Variants in SIL1 observed in about 807,000 individuals in gnomAD.
The protein encoded by SIL1 is nucleotide exchange factor SIL1.
SIL1 carries 40 observed loss-of-function variants against 49.1 expected under a neutral mutation model. The ratio of observed to expected loss-of-function variants is 0.81; its 90% CI spans 0.63 to 1.06. The LOEUF (loss-of-function observed/expected upper bound fraction) is 1.06, where lower values mean the gene tolerates loss of function less well. SIL1 is among the 50% of genes least tolerant of loss of function. The pLI is 0.00. For missense variants in SIL1, 500 were observed against 572.6 expected, an observed-to-expected ratio of 0.87 and a Z score of 1.29; for synonymous variants, 253 against 250.8, an observed-to-expected ratio of 1.01 and a Z score of -0.08.
At chr5:138,981,661 A>G (rs1166580384) in intron 7 of SIL1, among the ~76,000 whole-genome samples, 2 of 152,228 alleles carry the variant, frequency 1.3e-5, no homozygotes, top group African/African-American at 4.8e-5. Context: ...AGTATGATTC[A>G]TGGACAGAGA....
At chr5:139,166,130 A>G (rs1221087493) in intron 1 of SIL1, among the ~76,000 whole-genome samples, 1 of 152,176 alleles carries the variant, frequency 6.6e-6, no homozygotes, top group Non-Finnish European at 1.5e-5. Flanking sequence ...AAAATATTTT[A>G]CAGAGTCTAA....
intron 7 of SIL1, among the ~76,000 whole-genome samples, chr5:138,962,766 A>G (rs1295567353): frequency 6.6e-6 from 1 of 152,256 alleles, no homozygotes; most frequent in Non-Finnish European, 1.5e-5. Flanking sequence ...CTGACTGGAT[A>G]GACAAAGCCA....
intron 3 of SIL1, among the ~76,000 whole-genome samples, chr5:139,098,519 G>A (rs1770517736): frequency 2.0e-5 from 3 of 151,936 alleles, no homozygotes; most frequent in Admixed American, 2.0e-4. Context: ...AAAATCTCCA[G>A]GACACTGGTC....
At chr5:138,969,220 TCTG>T (rs1209027959) in intron 7 of SIL1, among the ~76,000 whole-genome samples, 1 of 152,216 alleles carries the variant, frequency 6.6e-6, no homozygotes, top group Non-Finnish European at 1.5e-5. Flanking sequence ...AATGCCCACC[TCTG>T]CTGTGTCTAA....
chr5:139,108,324 C>G (rs1770768636), intron 3 of SIL1: 1 of 152,162 alleles, frequency 6.6e-6, no homozygotes, highest in South Asian at 2.1e-4. Context: ...CAAGAGAGTT[C>G]TATTCCGAAG....
In SIL1 at chr5:138,947,212, C is replaced by T. The variant is rs1766651945; in HGVS notation, c.1291G>A (p.Val431Met). The part of the protein sequence containing the change: ...TLASLQAEYQ[V>M]LASLELQDGE... ...TCCTGCAGCTCCAGGCTGGCCAGCA[C>T]CTGGTACTCAGCCTGCAGGCTGGCC... Residue 431 changes from valine (V) to methionine (M), a missense_variant, in exon 10 of 10, where the codon GTG becomes ATG. By Grantham distance (21) the Val-to-Met change is conservative. Coordinates refer to ENST00000394817, the MANE Select transcript of SIL1 (RefSeq NM_022464.5). This position sits in a 1 kb window ranked among gnomAD's most constrained non-coding sequence, Gnocchi z 4.1. 1.2e-6 allele frequency: 2 copies of T among 1,613,390 alleles called. No individual in the cohort carries two copies. The highest frequency in any genetic ancestry group is 1.1e-5 in the South Asian group (1 of 91,078).
At chr5:139,033,599 G>A (rs1046025574) in intron 5 of SIL1, among the ~76,000 whole-genome samples, 1 of 151,104 alleles carries the variant, frequency 6.6e-6, no homozygotes, top group Non-Finnish European at 1.5e-5. Context: ...AACCTCCCCT[G>A]AGATTTCCTC....
intron 7 of SIL1, among the ~76,000 whole-genome samples, chr5:138,964,646 G>A (rs2150387592): frequency 6.6e-6 from 1 of 152,296 alleles, no homozygotes; most frequent in Admixed American, 6.5e-5. Flanking sequence ...AATAGTTAAT[G>A]TCAAAACGTA....
intron 3 of SIL1, among the ~76,000 whole-genome samples, chr5:139,076,511 G>A (rs1333885653): frequency 2.0e-5 from 3 of 152,080 alleles, no homozygotes; most frequent in African/African-American, 7.3e-5. Flanking sequence ...ATAGACCTTG[G>A]GAATAGCAAA....
intron 3 of SIL1, among the ~76,000 whole-genome samples, chr5:139,099,955 G>C (rs975485361): frequency 6.6e-6 from 1 of 152,070 alleles, no homozygotes; most frequent in African/African-American, 2.4e-5. Flanking sequence ...TAACACAAAG[G>C]ATAAATGCTT....
At chr5:139,155,781 C>A (rs1299553113) in intron 1 of SIL1, among the ~76,000 whole-genome samples, 3 of 152,088 alleles carry the variant, frequency 2.0e-5, no homozygotes, top group Admixed American at 6.5e-5. Flanking sequence ...CAGCCAAGGA[C>A]CCCAGGGCAC....
chr5:139,161,883 C>T lies in SIL1; in HGVS notation c.-10-34030G>A, dbSNP rs113750567. On this transcript the variant is annotated intron_variant, in intron 1 of 9. Coordinates refer to ENST00000394817, the MANE Select transcript of SIL1 (RefSeq NM_022464.5). ...CAAAAATTAGCTGGGCATGGTAGCA[C>T]GCTCCCGTAGTCCCCACTACTTGGG... Among the ~76,000 whole-genome samples, 371 of 152,082 alleles carry T rather than the reference C, an allele frequency of 2.4e-3. 3 individuals are homozygous for T. The highest frequency in any genetic ancestry group is 8.5e-3 in the African/African-American group (351 of 41,478).
At chr5:139,192,459 C>A (rs1397417184) in intron 1 of SIL1, among the ~76,000 whole-genome samples, 2 of 152,158 alleles carry the variant, frequency 1.3e-5, no homozygotes, top group African/African-American at 4.8e-5. Flanking sequence ...TCCTCAGTCA[C>A]AACATAGCCT....
intron 7 of SIL1, among the ~76,000 whole-genome samples, chr5:139,000,413 T>C (rs538539162): frequency 3.3e-5 from 5 of 152,230 alleles, no homozygotes; most frequent in South Asian, 2.1e-4. Flanking sequence ...GGTGCAAGGA[T>C]AGAAAAAGAG....
chr5:139,002,088 G>GT (rs1340676106), intron 7 of SIL1, among the ~76,000 whole-genome samples: 1 of 151,876 alleles, frequency 6.6e-6, no homozygotes, highest in Non-Finnish European at 1.5e-5. Context: ...GCACTCACCT[G>GT]TAGTCCCAGC....
At chr5:139,138,493 C>A (rs927855484) in intron 1 of SIL1, among the ~76,000 whole-genome samples, 1 of 152,152 alleles carries the variant, frequency 6.6e-6, no homozygotes, top group African/African-American at 2.4e-5. Flanking sequence ...CTGATAACAA[C>A]CAAGGTTACA....
chr5:139,102,791 C>T (rs1331988781), intron 3 of SIL1, among the ~76,000 whole-genome samples: 6 of 151,510 alleles, frequency 4.0e-5, no homozygotes, highest in African/African-American at 7.3e-5. Flanking sequence ...CTCAGCTCAC[C>T]GCAACCTCCG....
chr5:139,085,651 C>G (rs1167447782), intron 3 of SIL1, among the ~76,000 whole-genome samples: 1 of 152,068 alleles, frequency 6.6e-6, no homozygotes, highest in Admixed American at 6.6e-5. Context: ...CATGATTCAA[C>G]AGGAAGAACA....
At chr5:139,122,697 G>A (rs1046361948) in intron 2 of SIL1, among the ~76,000 whole-genome samples, 3 of 152,128 alleles carry the variant, frequency 2.0e-5, no homozygotes, top group Non-Finnish European at 4.4e-5. Context: ...ATGTTAAGGT[G>A]CTGGTGATGC....
Sources: gnomAD v4.1 joint callset for allele counts (sites outside exome capture counted in the v4.1 genomes callset) on GRCh38, gnomAD v4.1.1 for gene constraint, Gnocchi (gnomAD v3.1) non-coding constraint, MANE v1.5 for transcripts, NCBI Gene and HGNC (gene_info 2026-07-23, HGNC 2026-07-21) for gene names.